Variants in ST3GAL4 observed in about 807,000 individuals in gnomAD.
The protein encoded by ST3GAL4 is CMP-N-acetylneuraminate-beta-galactosamide-alpha-2,3-sialyltransferase 4.
ST3GAL4 carries 24 observed loss-of-function variants against 42.6 expected under a neutral mutation model. The observed-to-expected ratio is 0.56, with a 90% CI of 0.41 to 0.79. The LOEUF is 0.79. ST3GAL4 is among the 30% of genes least tolerant of loss of function. ST3GAL4 has a pLI of 0.00. For synonymous variants in ST3GAL4, 135 were observed against 163.2 expected, an observed-to-expected ratio of 0.83 and a Z score of 1.32; for missense variants, 311 against 430.8, an observed-to-expected ratio of 0.72 and a Z score of 2.46.
At chr11:126,385,216 G>A (rs968095120) in intron 1 of ST3GAL4, among the ~76,000 whole-genome samples, 8 of 149,598 alleles carry the variant, frequency 5.3e-5, no homozygotes, top group African/African-American at 2.0e-4. Flanking sequence ...GAGTGCAGTG[G>A]CGATCTCGGC....
intron 1 of ST3GAL4, among the ~76,000 whole-genome samples, chr11:126,367,831 A>G (rs1464057942): frequency 6.6e-6 from 1 of 152,176 alleles, no homozygotes; most frequent in Non-Finnish European, 1.5e-5. Context: ...TCCCACATCC[A>G]TTGGTTGAAA....
In ST3GAL4 at chr11:126,378,571, C is replaced by A. The variant is rs998911896; in HGVS notation, c.-61+22729C>A. ...CTACAGGCACCACCACCACGCCCAG[C>A]TATTTTTTTGTATTTTTAGTAGAGA... On this transcript the variant is annotated intron_variant, in intron 1 of 10. Transcript: ENST00000444328. This position sits in a 1 kb window ranked among gnomAD's most constrained non-coding sequence, Gnocchi z 5.3. Among the ~76,000 whole-genome samples the A allele has an allele frequency of 5.9e-5, 9 of 152,086 alleles. No individual in the cohort carries two copies. Among genetic ancestry groups the A allele is most frequent in the Non-Finnish European group, 8.8e-5 (6 of 68,020 alleles).
At chr11:126,357,347 G>A (rs1952106214) in intron 1 of ST3GAL4, among the ~76,000 whole-genome samples, 1 of 152,228 alleles carries the variant, frequency 6.6e-6, no homozygotes. Flanking sequence ...GGTAACCGAG[G>A]TTGTGAGGGT....
intron 9 of ST3GAL4, 147 bp from the exon 10 acceptor site, chr11:126,413,358 T>C: frequency 1.1e-6 from 1 of 900,360 alleles, no homozygotes; most frequent in Non-Finnish European, 1.6e-6. Flanking sequence ...CCCATTTGCG[T>C]GCTCGTTAGC....
At chr11:126,388,183 C>G (rs1210120176) in intron 1 of ST3GAL4, among the ~76,000 whole-genome samples, 2 of 152,202 alleles carry the variant, frequency 1.3e-5, no homozygotes, top group Non-Finnish European at 2.9e-5. Flanking sequence ...GCTCAGGTCC[C>G]TCGTGTTTTG....
chr11:126,409,511 AG>A lies in ST3GAL4; in HGVS notation c.771+102del. 6.6e-7 allele frequency: 1 copy of A among 1,522,278 alleles called. No individual in the cohort carries two copies. The highest frequency in any genetic ancestry group is 1.9e-5 in the Admixed American group (1 of 53,760). 94.3% of individuals were successfully genotyped at this position (1,522,278 alleles called of 1,614,324 possible). Reference sequence around the variant, plus strand: ...AAGCCCTGGAAGGATCCCATAACAGAGGCGGCGGTTTGCATTTTCCCTCCAG... The same window carrying A: ...AAGCCCTGGAAGGATCCCATAACAGAGCGGCGGTTTGCATTTTCCCTCCAG... On this transcript the variant is annotated intron_variant, in intron 9 of 10. Coordinates refer to ENST00000444328, the MANE Select transcript of ST3GAL4 (RefSeq NM_001254757.2). This position sits in a 1 kb window ranked among gnomAD's most constrained non-coding sequence, Gnocchi z 4.9.
intron 1 of ST3GAL4, among the ~76,000 whole-genome samples, chr11:126,388,660 G>GTTTTTTTT (rs10599019): frequency 1.2e-3 from 92 of 79,172 alleles, no homozygotes; most frequent in Middle Eastern, 8.2e-3. Context: ...TAGGTTTCTT[G>GTTTTTTTT]TTTTTTTTTT....
chr11:126,403,159 AGGGCGT>A (rs1428317664), intron 1 of ST3GAL4: 2 of 157,732 alleles, frequency 1.3e-5, no homozygotes, highest in African/African-American at 4.8e-5. Context: ...CCACAAGGGG[AGGGCGT>A]GGCTCGTGAA....
intron 1 of ST3GAL4, among the ~76,000 whole-genome samples, chr11:126,374,454 C>CAAAAA (rs869295718): frequency 1.6e-5 from 1 of 63,206 alleles, no homozygotes; most frequent in Non-Finnish European, 3.1e-5. Context: ...ACTTTGTCTC[C>CAAAAA]AAAAAAAAAA....
rs1463724535 is a variant in ST3GAL4 at position 126,384,175 on chromosome 11, A to G, written c.-60-21921A>G. On this transcript the variant is annotated intron_variant, in intron 1 of 10. Coordinates refer to ENST00000444328, the MANE Select transcript of ST3GAL4 (RefSeq NM_001254757.2). This position sits in a 1 kb window ranked among gnomAD's most constrained non-coding sequence, Gnocchi z 5.5. ...GCTGCACAGTTCCAGAAACTTGTTC[A>G]TCAAGTGCCAGGCTGACCATGGTGT... 6.6e-6 allele frequency among the ~76,000 whole-genome samples: 1 copy of G among 152,216 alleles called. No homozygotes were observed. Among genetic ancestry groups the G allele is most frequent in the African/African-American group, 2.4e-5 (1 of 41,460 alleles).
rs186676755 is a variant in ST3GAL4 at position 126,391,291 on chromosome 11, T to C, written c.-60-14805T>C. Among the ~76,000 whole-genome samples, 20 of 150,738 alleles carry C rather than the reference T, an allele frequency of 1.3e-4. No homozygotes were observed. The East Asian group carries it at 3.7e-3, about 28-fold the overall frequency. ...TTTTTTTCTTTTTGTTTTATGGGAG[T>C]GCTGATATATTCAAGTATTTGTTGA... is the stretch of plus-strand genomic sequence containing the variant. On this transcript the variant is annotated intron_variant, in intron 1 of 10. Transcript: ENST00000444328. This position sits in a 1 kb window ranked among gnomAD's most constrained non-coding sequence, Gnocchi z 5.5.
chr11:126,413,212 C>T (rs891693679), intron 9 of ST3GAL4, among the ~76,000 whole-genome samples: 5 of 152,162 alleles, frequency 3.3e-5, no homozygotes, highest in Non-Finnish European at 7.3e-5. Flanking sequence ...CTCAAGCAGT[C>T]CTCTGACCTC....
At position 126,413,473 on chromosome 11, in the gene ST3GAL4, C is replaced by A. The variant is rs559181802; in HGVS notation, c.772-32C>A. On this transcript the variant is annotated intron_variant, in intron 9 of 10. Coordinates refer to ENST00000444328, the MANE Select transcript of ST3GAL4 (RefSeq NM_001254757.2). ...AGATGATGGTGGGAGGAGCAGGGCTCCCACTAACACCCTCCTGCCCCTGTT... is the reference window on the plus strand; with the variant it reads ...AGATGATGGTGGGAGGAGCAGGGCTACCACTAACACCCTCCTGCCCCTGTT... 73 of 1,610,510 alleles carry A rather than the reference C, an allele frequency of 4.5e-5. No homozygotes were observed. In the South Asian group the frequency reaches 7.7e-4, roughly 17 times the overall value.
rs577378473 is a variant in ST3GAL4, at chr11:126,366,608, T to A, written c.-61+10766T>A. On this transcript the variant is annotated intron_variant, in intron 1 of 10. Coordinates refer to ENST00000444328, the MANE Select transcript of ST3GAL4 (RefSeq NM_001254757.2). This position sits in a 1 kb window ranked among gnomAD's most constrained non-coding sequence, Gnocchi z 4.2. ...GCAGGGCCCTCCCCTCTGGCGAGTC[T>A]GCCTCTCACTCGCTCAGCCCCTTTA... 6.6e-6 allele frequency among the ~76,000 whole-genome samples: 1 copy of A among 152,142 alleles called. No homozygotes were observed. The highest frequency in any genetic ancestry group is 2.4e-5 in the African/African-American group (1 of 41,420).
In ST3GAL4 at chr11:126,363,518, G is replaced by A. The variant is rs1175058023; in HGVS notation, c.-61+7676G>A. ...TCCTGTTGGCAGCTCCAGCATTTTC[G>A]AACAAAAATGGCTCTTCCAGGAGTT... On this transcript the variant is annotated intron_variant, in intron 1 of 10. Coordinates refer to ENST00000444328, the MANE Select transcript of ST3GAL4 (RefSeq NM_001254757.2). The surrounding 1 kb of genome is among the most constrained non-coding windows in gnomAD (Gnocchi z 4.6). Among the ~76,000 whole-genome samples the A allele has an allele frequency of 2.0e-5, 3 of 152,136 alleles. No homozygotes were observed. The highest frequency in any genetic ancestry group is 2.1e-4 in the South Asian group (1 of 4,830).
chr11:126,358,941 C>T (rs1952161254), intron 1 of ST3GAL4, among the ~76,000 whole-genome samples: 1 of 152,190 alleles, frequency 6.6e-6, no homozygotes, highest in Non-Finnish European at 1.5e-5. Flanking sequence ...CAGTTTCCCA[C>T]CTGGGCCTTG....
At chr11:126,371,330 A>G (rs896633799) in intron 1 of ST3GAL4, among the ~76,000 whole-genome samples, 5 of 151,358 alleles carry the variant, frequency 3.3e-5, no homozygotes, top group South Asian at 2.1e-4. Context: ...ACGCCTGTCT[A>G]ATTTTTGTAT....
intron 1 of ST3GAL4, among the ~76,000 whole-genome samples, chr11:126,374,478 A>G (rs1275036115): frequency 6.9e-6 from 1 of 144,292 alleles, no homozygotes; most frequent in African/African-American, 2.6e-5. Flanking sequence ...AAAAAAAAAA[A>G]TAGAGAAAAG....
Position 126,396,017 on chromosome 11 carries a change from T to C in ST3GAL4, c.-60-10079T>C, listed in dbSNP as rs538038936. Among the ~76,000 whole-genome samples, 54 of 152,184 alleles carry C rather than the reference T, an allele frequency of 3.5e-4. No homozygotes were observed. The highest frequency in any genetic ancestry group is 1.2e-3 in the African/African-American group (51 of 41,500). Reference sequence around the variant, plus strand: ...GGGGTTTTGGGGCTGAGGAGGAGTTTTACAGATGACCGGTCTGTTCTTGGC... The same window carrying C: ...GGGGTTTTGGGGCTGAGGAGGAGTTCTACAGATGACCGGTCTGTTCTTGGC... On this transcript the variant is annotated intron_variant, in intron 1 of 10. Transcript: ENST00000444328. The surrounding 1 kb of genome is among the most constrained non-coding windows in gnomAD (Gnocchi z 5.8).
Sources: allele counts gnomAD v4.1 joint callset (sites outside exome capture counted in the v4.1 genomes callset), GRCh38; gene constraint gnomAD v4.1.1; non-coding constraint Gnocchi (gnomAD v3.1); transcripts MANE v1.5; gene names NCBI Gene and HGNC (gene_info 2026-07-23, HGNC 2026-07-21).